RALGPS1: variants seen among roughly 807,000 people sequenced by gnomAD.
RALGPS1 encodes the protein ras-specific guanine nucleotide-releasing factor RalGPS1.
A neutral mutation model predicts 78.8 loss-of-function variants in RALGPS1; 19 were observed. That is an observed-to-expected ratio of 0.24 (90% CI 0.17 to 0.35). The LOEUF is 0.35. RALGPS1 is among the 10% of genes least tolerant of loss of function. The pLI is 1.00. For missense variants in RALGPS1, 454 were observed against 688.3 expected (o/e 0.66, Z 3.81); for synonymous variants, 228 against 256.3 (o/e 0.89, Z 1.06).
At chr9:126,941,024 A>G (rs1158722343) in intron 1 of RALGPS1, among the ~76,000 whole-genome samples, 1 of 152,228 alleles carries the variant, frequency 6.6e-6, no homozygotes, top group East Asian at 1.9e-4. Context: ...TGATATTAAC[A>G]GTTTAGTGAA....
chr9:126,991,236 A>G (rs2042254938), intron 4 of RALGPS1, among the ~76,000 whole-genome samples: 1 of 152,170 alleles, frequency 6.6e-6, no homozygotes, highest in African/African-American at 2.4e-5. Flanking sequence ...TTCATGGTGG[A>G]GATAAGAGTA....
At chr9:127,076,811 A>AG (rs2050718575) in intron 8 of RALGPS1, among the ~76,000 whole-genome samples, 1 of 152,218 alleles carries the variant, frequency 6.6e-6, no homozygotes, top group Non-Finnish European at 1.5e-5. Context: ...GAGCAAACCA[A>AG]GGGGGCCCCA....
intron 4 of RALGPS1, among the ~76,000 whole-genome samples, chr9:127,021,829 TTCTC>T (rs1330117718): frequency 6.6e-6 from 1 of 152,158 alleles, no homozygotes; most frequent in African/African-American, 2.4e-5. Flanking sequence ...ATCGGGCTCT[TTCTC>T]TGTCACGTGG....
At chr9:127,148,394 A>G (rs2058225827) in intron 8 of RALGPS1, among the ~76,000 whole-genome samples, 1 of 152,246 alleles carries the variant, frequency 6.6e-6, no homozygotes, top group Non-Finnish European at 1.5e-5. Flanking sequence ...GGGAGTAGGG[A>G]GCGTCTGTTT....
intron 8 of RALGPS1, among the ~76,000 whole-genome samples, chr9:127,075,325 A>T (rs1231983833): frequency 1.3e-5 from 2 of 152,232 alleles, no homozygotes; most frequent in East Asian, 3.8e-4. Context: ...AGAGAAGAGG[A>T]GGTGACTGCC....
intron 10 of RALGPS1, among the ~76,000 whole-genome samples, chr9:127,169,086 G>A (rs377434908): frequency 6.6e-6 from 1 of 152,184 alleles, no homozygotes; most frequent in Non-Finnish European, 1.5e-5. Flanking sequence ...CACATGGCGT[G>A]GATAATATGA....
At chr9:127,095,613 A>G (rs1452777331) in intron 8 of RALGPS1, among the ~76,000 whole-genome samples, 1 of 151,826 alleles carries the variant, frequency 6.6e-6, no homozygotes, top group Admixed American at 6.6e-5. Flanking sequence ...TGACCTCACT[A>G]CCTCCTCCCC....
chr9:127,131,673 C>T (rs921439100), intron 8 of RALGPS1, among the ~76,000 whole-genome samples: 10 of 152,222 alleles, frequency 6.6e-5, no homozygotes, highest in Non-Finnish European at 2.9e-5. Flanking sequence ...GTCTCTACAG[C>T]TTCCCAGCAG....
intron 14 of RALGPS1, among the ~76,000 whole-genome samples, chr9:127,204,759 TC>T (rs1026237735): frequency 3.4e-4 from 51 of 152,136 alleles, no homozygotes; most frequent in Non-Finnish European, 8.8e-5. Context: ...TCATCCGACA[TC>T]CTTAGGGAGG....
chr9:127,136,939 G>A lies in RALGPS1; in HGVS notation c.611-29130G>A, dbSNP rs140843418. ...AGCAGGGACTCAAGACATGGGAACC[G>A]GTAGACTCAAGTGTAGAGACAACCT... On this transcript the variant is annotated intron_variant, in intron 8 of 18. Transcript: ENST00000259351. Among the ~76,000 whole-genome samples, 61 of 152,238 alleles carry A rather than the reference G, an allele frequency of 4.0e-4. 1 individual carries two copies. In the East Asian group the frequency reaches 0.011, roughly 28 times the overall value.
intron 8 of RALGPS1, among the ~76,000 whole-genome samples, chr9:127,144,570 T>C (rs1202959079): frequency 6.6e-6 from 1 of 152,202 alleles, no homozygotes; most frequent in African/African-American, 2.4e-5. Flanking sequence ...AACAGCACTA[T>C]TCACAATAGC....
intron 1 of RALGPS1, among the ~76,000 whole-genome samples, chr9:126,922,431 A>G (rs2034856177): frequency 2.0e-5 from 3 of 152,230 alleles, no homozygotes; most frequent in Non-Finnish European, 1.5e-5. Flanking sequence ...TATAAGCCTG[A>G]TAACTAGGGC....
intron 4 of RALGPS1, among the ~76,000 whole-genome samples, chr9:127,005,159 G>A (rs1388766811): frequency 1.3e-5 from 2 of 152,186 alleles, no homozygotes; most frequent in African/African-American, 4.8e-5. Flanking sequence ...ATAATTGGCA[G>A]CAGTGCCATT....
chr9:126,964,516 C>T (rs1475811945), intron 2 of RALGPS1, among the ~76,000 whole-genome samples: 1 of 152,022 alleles, frequency 6.6e-6, no homozygotes, highest in Non-Finnish European at 1.5e-5. Flanking sequence ...GGTTTAATAT[C>T]ACCATTTTAC....
intron 4 of RALGPS1, among the ~76,000 whole-genome samples, chr9:127,006,944 GGA>G (rs1052254689): frequency 1.3e-5 from 2 of 151,872 alleles, no homozygotes; most frequent in African/African-American, 4.8e-5. Flanking sequence ...GAGGGAGAGA[GGA>G]GAGAGAGAAA....
chr9:126,922,054 G>A (rs2034822238), intron 1 of RALGPS1, among the ~76,000 whole-genome samples: 1 of 152,334 alleles, frequency 6.6e-6, no homozygotes, highest in South Asian at 2.1e-4. Flanking sequence ...GCAGAGGCAA[G>A]CCTCAGCTCC....
intron 11 of RALGPS1, among the ~76,000 whole-genome samples, chr9:127,194,189 A>G (rs1249979720): frequency 2.0e-5 from 3 of 152,242 alleles, no homozygotes; most frequent in Non-Finnish European, 2.9e-5. Flanking sequence ...ACTTCTGACC[A>G]CCTGCAAGGT....
intron 5 of RALGPS1, among the ~76,000 whole-genome samples, chr9:127,035,972 G>A (rs1046840909): frequency 1.3e-4 from 20 of 152,110 alleles, no homozygotes; most frequent in Non-Finnish European, 2.4e-4. Context: ...ATTTGACTGG[G>A]AGCCAACTCA....
intron 4 of RALGPS1, among the ~76,000 whole-genome samples, chr9:126,989,344 A>G (rs1314161881): frequency 6.6e-6 from 1 of 152,136 alleles, no homozygotes; most frequent in Non-Finnish European, 1.5e-5. Context: ...AGAGATGACA[A>G]CAGGAGAATG....
Sources: allele counts gnomAD v4.1 joint callset (sites outside exome capture counted in the v4.1 genomes callset), GRCh38; gene constraint gnomAD v4.1.1; transcripts MANE v1.5; gene names NCBI Gene and HGNC (gene_info 2026-07-23, HGNC 2026-07-21).